MTCH1: variants seen among roughly 807,000 people sequenced by gnomAD.
MTCH1 encodes mitochondrial carrier 1, also known as mitochondrial carrier homolog 1.
Under a neutral mutation model 49.3 loss-of-function variants are expected in MTCH1, and 23 were observed. The ratio of observed to expected loss-of-function variants is 0.47; its 90% CI spans 0.34 to 0.66. The LOEUF is 0.66. MTCH1 is among the 30% of genes least tolerant of loss of function. The pLI is 0.01. For missense variants in MTCH1, 397 were observed against 532.1 expected, an observed-to-expected ratio of 0.75 and a Z score of 2.50; for synonymous variants, 229 against 215.2, an observed-to-expected ratio of 1.06 and a Z score of -0.56.
intron 2 of MTCH1, 89 bp from the exon 3 acceptor site, chr6:36,978,700 G>T (rs989956000): frequency 8.7e-7 from 1 of 1,146,122 alleles, no homozygotes; most frequent in Non-Finnish European, 1.3e-6. Context: ...GGCTCGGCTT[G>T]TCCTTCAGGT....
rs1217692104 is a variant in MTCH1, at chr6:36,982,587, C to T, written c.322-915G>A. Among the ~76,000 whole-genome samples the T allele has an allele frequency of 6.6e-6, 1 of 152,158 alleles. No homozygotes were observed. The highest frequency in any genetic ancestry group is 1.5e-5 in the Non-Finnish European group (1 of 68,022). Reference sequence around the variant, plus strand: ...TATTTTTAGTAGAGACGGGGTTTCTCCATGTTGGTCAGGCTGGTCTCGAAC... The same window carrying T: ...TATTTTTAGTAGAGACGGGGTTTCTTCATGTTGGTCAGGCTGGTCTCGAAC... On this transcript the variant is annotated intron_variant, in intron 1 of 11. Coordinates refer to ENST00000373627, the MANE Select transcript of MTCH1 (RefSeq NM_001271641.2). This position sits in a 1 kb window ranked among gnomAD's most constrained non-coding sequence, Gnocchi z 4.1.
upstream of MTCH1, chr6:36,986,284 G>C (rs1343293200): frequency 9.6e-6 from 10 of 1,038,056 alleles, no homozygotes; most frequent in Admixed American, 8.7e-5. Flanking sequence ...GAGCTCGGGA[G>C]CGTGGTGCGG....
upstream of MTCH1, chr6:36,986,206 T>C: frequency 7.1e-7 from 1 of 1,407,256 alleles, no homozygotes; most frequent in Non-Finnish European, 9.2e-7. Flanking sequence ...CCCCGTCACG[T>C]GACGGGGCCA....
In MTCH1 at chr6:36,970,045, A is replaced by G; in HGVS notation, c.1092T>C (p.Ser364=). Residue 364 remains serine, a synonymous_variant, in exon 11 of 12, where the codon AGT becomes AGC. Transcript: ENST00000373627. ...KSWIHCWKYL[S]VQGQLFRGSS... ...CCGTCCAGTGCTTGCTCACCTGCAC[A>G]CTCAGGTACTTCCAGCAGTGAATCC... The G allele has an allele frequency of 2.5e-6, 4 of 1,614,124 alleles. No homozygotes were observed. Among genetic ancestry groups the G allele is most frequent in the East Asian group, 2.2e-5 (1 of 44,880 alleles).
rs1209856122 is a variant in MTCH1, at chr6:36,977,571, C to T, written c.649+63G>A. On this transcript the variant is annotated intron_variant, in intron 5 of 11. Coordinates refer to ENST00000373627, the MANE Select transcript of MTCH1 (RefSeq NM_001271641.2). The surrounding 1 kb of genome is among the most constrained non-coding windows in gnomAD (Gnocchi z 5.4). ...TCTATGTACAGTCCACGAGGGGGCG[C>T]CCCTCACCCCACGCCCCCGACGCCA... 1 of 1,176,078 alleles carries T rather than the reference C, an allele frequency of 8.5e-7. No individual in the cohort carries two copies. The highest frequency in any genetic ancestry group is 1.2e-6 in the Non-Finnish European group (1 of 805,662). The allele number at this position is 1,176,078 out of a possible 1,614,324, so 72.9% of individuals were successfully genotyped here.
Position 36,968,834 on chromosome 6 carries a change from G to C in MTCH1, c.*69C>G. The C allele has an allele frequency of 6.2e-7, 1 of 1,608,958 alleles. No homozygotes were observed. The highest frequency in any genetic ancestry group is 8.5e-7 in the Non-Finnish European group (1 of 1,176,296). On this transcript the variant is annotated 3_prime_UTR_variant, in exon 12 of 12. Transcript: ENST00000373627. ...GTTGTTGGGTTGGAGTCGTCTTGCA[G>C]GTGTCCCAAGGTGGTCAGGCCTCAC...
At chr6:36,981,029 A>G (rs3778021) in intron 2 of MTCH1, among the ~76,000 whole-genome samples, 65,693 of 152,052 alleles carry the variant, frequency 0.43, 15,278 homozygotes, top group African/African-American at 0.59. Context: ...TAAGTGGCCC[A>G]CCCAAACTCA....
In MTCH1 at chr6:36,978,860, TTCCC is replaced by T. The variant is rs138592403; in HGVS notation, c.407-253_407-250del. On this transcript the variant is annotated intron_variant, in intron 2 of 11. Transcript: ENST00000373627. The stretch of plus-strand genomic sequence containing the variant: ...CAAGTTCATATATTTTCTTCCTTCC[TTCCC>T]TCCCTCCCTCCTTTTTTTTTTTTTT... Among the ~76,000 whole-genome samples, 76 of 146,020 alleles carry T rather than the reference TTCCC, an allele frequency of 5.2e-4. 1 individual carries two copies. Among genetic ancestry groups the T allele is most frequent in the African/African-American group, 1.4e-3 (53 of 38,622 alleles).
In MTCH1 at chr6:36,968,873, G is replaced by T. The variant is rs1486846189; in HGVS notation, c.*30C>A. ...GTCAGGCCTCACCCACGGTGGCCAGGTTGAGACCGTGTTTTTTAGATGATT... is the reference window on the plus strand; with the variant it reads ...GTCAGGCCTCACCCACGGTGGCCAGTTTGAGACCGTGTTTTTTAGATGATT... On this transcript the variant is annotated 3_prime_UTR_variant, in exon 12 of 12. Coordinates refer to ENST00000373627, the MANE Select transcript of MTCH1 (RefSeq NM_001271641.2). 6.2e-6 allele frequency: 10 copies of T among 1,613,598 alleles called. No homozygotes were observed. Among genetic ancestry groups the T allele is most frequent in the Non-Finnish European group, 8.5e-6 (10 of 1,179,720 alleles).
Position 36,968,666 on chromosome 6 carries a change from C to A in MTCH1, c.*237G>T, listed in dbSNP as rs1583244549. The A allele has an allele frequency of 3.2e-6, 2 of 629,678 alleles. No homozygotes were observed. The highest frequency in any genetic ancestry group is 7.1e-5 in the East Asian group (2 of 28,158). 39.0% of individuals were successfully genotyped at this position (629,678 alleles called of 1,614,324 possible). On this transcript the variant is annotated 3_prime_UTR_variant, in exon 12 of 12. Transcript: ENST00000373627. ...CTGCGAGGTATGGGGATTCTGCCAACTCCCCACCTCGCCTCACCTTCCCTA... is the reference window on the plus strand; with the variant it reads ...CTGCGAGGTATGGGGATTCTGCCAAATCCCCACCTCGCCTCACCTTCCCTA...
At chr6:36,984,715 C>T (rs190122175) in intron 1 of MTCH1, among the ~76,000 whole-genome samples, 1 of 152,224 alleles carries the variant, frequency 6.6e-6, no homozygotes, top group Non-Finnish European at 1.5e-5. Context: ...TTCATTCCAG[C>T]TCACTCCTCA....
chr6:36,972,519 A>T lies in MTCH1; in HGVS notation c.906+133T>A. 9.4e-7 allele frequency: 1 copy of T among 1,069,106 alleles called. No homozygotes were observed. The highest frequency in any genetic ancestry group is 1.3e-6 in the Non-Finnish European group (1 of 776,768). 66.2% of individuals were successfully genotyped at this position (1,069,106 alleles called of 1,614,324 possible). On this transcript the variant is annotated intron_variant, in intron 8 of 11. Transcript: ENST00000373627. The surrounding 1 kb of genome is among the most constrained non-coding windows in gnomAD (Gnocchi z 4.1). Reference sequence around the variant, plus strand: ...GCCGTTCTCCCCTTAGACAAAGATGACTCCAGGGATAATGAGAGGTCCTCT... The same window carrying T: ...GCCGTTCTCCCCTTAGACAAAGATGTCTCCAGGGATAATGAGAGGTCCTCT...
At position 36,978,260 on chromosome 6, in the gene MTCH1, T is replaced by C. The variant is rs545885360; in HGVS notation, c.514-105A>G. 9 of 1,083,380 alleles carry C rather than the reference T, an allele frequency of 8.3e-6. No individual in the cohort carries two copies. In the African/African-American group the frequency reaches 1.4e-4, roughly 17 times the overall value. 67.1% of individuals were successfully genotyped at this position (1,083,380 alleles called of 1,614,324 possible). On this transcript the variant is annotated intron_variant, in intron 3 of 11. Transcript: ENST00000373627. ...AGCTCCAAATATTTCCTCTGCAGTG[T>C]CTATTGGCTGGGCCCACCTCAGGTA...
At position 36,986,164 on chromosome 6, in the gene MTCH1, A is replaced by G. The variant is rs948192706; in HGVS notation, c.10T>C (p.Ser4Pro). The G allele has an allele frequency of 7.0e-6, 10 of 1,433,506 alleles. No individual in the cohort carries two copies. Among genetic ancestry groups the G allele is most frequent in the South Asian group, 1.4e-5 (1 of 72,982 alleles). The allele number at this position is 1,433,506 out of a possible 1,614,324, so 88.8% of individuals were successfully genotyped here. ...GCCCAGGGCGCCACTTCCGGGTCCG[A>G]AGCTCCCATGGCGCCCGGCGGCGAG... MGA[S>P]DPEVAPWARG... The change falls in exon 1 of 12, where the codon TCG becomes CCG. Residue 4 changes from serine (S) to proline (P), a missense_variant. Physicochemically the swap from Ser to Pro is moderately conservative, Grantham distance 74. Around this residue, in one of 2 missense-constraint regions of MTCH1, gnomAD observed 145 missense variants for 143.8 expected, o/e 1.01. Coordinates refer to ENST00000373627, the MANE Select transcript of MTCH1 (RefSeq NM_001271641.2).
Position 36,970,124 on chromosome 6 carries a change from A to G in MTCH1, c.1023-10T>C, listed in dbSNP as rs769110540. 6.2e-7 allele frequency: 1 copy of G among 1,613,384 alleles called. No homozygotes were observed. The highest frequency in any genetic ancestry group is 2.2e-5 in the East Asian group (1 of 44,868). On this transcript the variant is annotated splice_polypyrimidine_tract_variant and intron_variant, in intron 10 of 11. Coordinates refer to ENST00000373627, the MANE Select transcript of MTCH1 (RefSeq NM_001271641.2). ...GAGCCCAGCTTGCAGCCTGCCGGAG[A>G]AGGAGAGTGTAGATGCAGAGAACAG...
chr6:36,969,149 G>C, intron 11 of MTCH1, 175 bp from the exon 12 acceptor site: 1 of 985,426 alleles, frequency 1.0e-6, no homozygotes, highest in Non-Finnish European at 1.2e-6. Flanking sequence ...TGAAGCAGAA[G>C]GGAGCGGTTC....
At chr6:36,984,581 T>C (rs1392522208) in intron 1 of MTCH1, among the ~76,000 whole-genome samples, 2 of 152,132 alleles carry the variant, frequency 1.3e-5, no homozygotes, top group Non-Finnish European at 2.9e-5. Context: ...TGGATGGGTC[T>C]CCAATTCAAT....
chr6:36,986,102 A>AGCTCCG lies in MTCH1; in HGVS notation c.66_71dup (p.Gly27_Ala28dup). On this transcript the variant is annotated inframe_insertion, in exon 1 of 12. Transcript: ENST00000373627. ...CCGCTCCGCCGCGAGCTCCGGCTCC[A>AGCTCCG]GCTCCGGCTCCCGCCATCCCCGCGG... 7.0e-7 allele frequency: 1 copy of AGCTCCG among 1,438,672 alleles called. No homozygotes were observed. The highest frequency in any genetic ancestry group is 9.0e-7 in the Non-Finnish European group (1 of 1,106,740). The allele number at this position is 1,438,672 out of a possible 1,614,324, so 89.1% of individuals were successfully genotyped here.
intron 7 of MTCH1, among the ~76,000 whole-genome samples, chr6:36,975,359 CTT>C (rs1763834703): frequency 6.6e-6 from 1 of 152,258 alleles, no homozygotes; most frequent in Non-Finnish European, 1.5e-5. Context: ...TATGCAGTGA[CTT>C]AGCTCATGAA....
Sources: allele counts gnomAD v4.1 joint callset (sites outside exome capture counted in the v4.1 genomes callset), GRCh38; gene constraint gnomAD v4.1.1; regional missense constraint gnomAD v4.1.1; non-coding constraint Gnocchi (gnomAD v3.1); transcripts MANE v1.5; gene names NCBI Gene and HGNC (gene_info 2026-07-23, HGNC 2026-07-21).